Variants in NRXN3 observed in about 807,000 individuals in gnomAD.
The protein encoded by NRXN3 is neurexin III.
Under a neutral mutation model 137.6 loss-of-function variants are expected in NRXN3, and 32 were observed. The observed-to-expected ratio is 0.23, with a 90% CI of 0.18 to 0.31. The LOEUF (loss-of-function observed/expected upper bound fraction) is 0.31, where lower values mean the gene tolerates loss of function less well. Ranked by LOEUF, NRXN3 falls within the 10% of genes least tolerant of loss-of-function variation. The pLI is 1.00. For synonymous variants in NRXN3, 798 were observed against 784.5 expected, an observed-to-expected ratio of 1.02 and a Z score of -0.29; for missense variants, 1,574 against 2,062.5, an observed-to-expected ratio of 0.76 and a Z score of 4.59.
chr14:78,972,996 G>A (rs1397258778), intron 14 of NRXN3: 1 of 152,148 alleles, frequency 6.6e-6, no homozygotes, highest in African/African-American at 2.4e-5. Flanking sequence ...AGATCTTCAA[G>A]CTGTCACACC....
intron 4 of NRXN3, among the ~76,000 whole-genome samples, chr14:78,335,182 A>G (rs572443170): frequency 6.6e-6 from 1 of 152,224 alleles, no homozygotes; most frequent in African/African-American, 2.4e-5. Flanking sequence ...TGAAGTCTGC[A>G]CTTGAGATGA....
chr14:79,073,823 T>A (rs117208874), intron 15 of NRXN3, among the ~76,000 whole-genome samples: 3,644 of 152,258 alleles, frequency 0.024, 89 homozygotes, highest in Admixed American at 0.052. Context: ...CAAGAAAACA[T>A]TTTCTCAAGC....
At chr14:79,230,039 C>A (rs1447593522) in intron 15 of NRXN3, among the ~76,000 whole-genome samples, 1 of 152,020 alleles carries the variant, frequency 6.6e-6, no homozygotes, top group East Asian at 1.9e-4. Context: ...CAGAGGTGAG[C>A]CATAATGAGG....
chr14:79,864,543 T>G lies in NRXN3; in HGVS notation c.*2579T>G. The G allele has an allele frequency of 6.6e-6, 1 of 152,634 alleles. No homozygotes were observed. The highest frequency in any genetic ancestry group is 2.1e-4 in the South Asian group (1 of 4,826). 9.5% of individuals were successfully genotyped at this position (152,634 alleles called of 1,614,324 possible). On this transcript the variant is annotated 3_prime_UTR_variant, in exon 21 of 21. Coordinates refer to ENST00000335750, the MANE Select transcript of NRXN3 (RefSeq NM_001330195.2). The stretch of plus-strand genomic sequence containing the variant: ...ACCACTTTCATGTGATAGAAGATAT[T>G]CTAAGCAGTTACTAATTATTACATT...
intron 1 of NRXN3, among the ~76,000 whole-genome samples, chr14:78,221,401 G>A (rs952888970): frequency 6.6e-6 from 1 of 152,180 alleles, no homozygotes; most frequent in East Asian, 1.9e-4. Context: ...GGTTACTGGA[G>A]CGGAGGCACA....
chr14:79,024,688 A>G (rs2099595281), intron 15 of NRXN3, among the ~76,000 whole-genome samples: 1 of 152,176 alleles, frequency 6.6e-6, no homozygotes, highest in Admixed American at 6.6e-5. Flanking sequence ...TTGGTAAAAC[A>G]TTGTAATCTG....
chr14:79,357,279 T>A (rs1202764253), intron 15 of NRXN3, among the ~76,000 whole-genome samples: 2 of 152,200 alleles, frequency 1.3e-5, no homozygotes, highest in Non-Finnish European at 2.9e-5. Flanking sequence ...AAGTAGTGAA[T>A]TAAAATATGA....
At chr14:79,423,675 C>A (rs749898056) in intron 15 of NRXN3, among the ~76,000 whole-genome samples, 1 of 152,164 alleles carries the variant, frequency 6.6e-6, no homozygotes, top group South Asian at 2.1e-4. Flanking sequence ...TTGCTCTCAT[C>A]GCCTCACAAT....
intron 10 of NRXN3, among the ~76,000 whole-genome samples, chr14:78,943,617 AAAAAATATATATATATATATATATATAT>A (rs1385908562): frequency 3.2e-4 from 13 of 40,530 alleles, no homozygotes; most frequent in East Asian, 1.7e-3. Context: ...TGTTAAAAAA[AAAAAATATATATATATATATATATATAT>A]ATATATATAT....
chr14:79,189,538 TTA>T (rs143240163), intron 15 of NRXN3, among the ~76,000 whole-genome samples: 5,392 of 151,468 alleles, frequency 0.036, 227 homozygotes, highest in East Asian at 0.21. Flanking sequence ...GAAGTATAAT[TTA>T]AAAAAAAAAA....
intron 11 of NRXN3, among the ~76,000 whole-genome samples, chr14:78,958,337 G>A (rs1278221880): frequency 6.6e-6 from 1 of 151,436 alleles, no homozygotes; most frequent in Admixed American, 6.6e-5. Context: ...CATTTTACAT[G>A]CTATATCTTT....
At chr14:78,225,985 G>GTA (rs2064579862) in intron 1 of NRXN3, among the ~76,000 whole-genome samples, 1 of 114,966 alleles carries the variant, frequency 8.7e-6, no homozygotes, top group South Asian at 2.4e-4. Context: ...GTGTGTGTGT[G>GTA]TGTGTGTGTG....
At position 79,710,539 on chromosome 14, in the gene NRXN3, C is replaced by CTGAT. The variant is rs147674537; in HGVS notation, c.4014+12603_4014+12606dup. Among the ~76,000 whole-genome samples, 526 of 152,218 alleles carry CTGAT rather than the reference C, an allele frequency of 3.5e-3. 6 individuals carry two copies. The highest frequency in any genetic ancestry group is 0.012 in the African/African-American group (511 of 41,550). On this transcript the variant is annotated intron_variant, in intron 19 of 20. Coordinates refer to ENST00000335750, the MANE Select transcript of NRXN3 (RefSeq NM_001330195.2). ...AGAGTGCTATTGTAACACGTGTCTA[C>CTGAT]TGATAAAATGGCAAATTCATTAGCC...
intron 4 of NRXN3, among the ~76,000 whole-genome samples, chr14:78,432,013 C>G (rs2110418): frequency 0.026 from 4,012 of 152,116 alleles, 173 homozygotes; most frequent in African/African-American, 0.085. Flanking sequence ...GTACTGGTGC[C>G]ATTATGGGGG....
At chr14:78,979,493 T>C (rs1054599110) in intron 14 of NRXN3, among the ~76,000 whole-genome samples, 14 of 152,148 alleles carry the variant, frequency 9.2e-5, no homozygotes, top group African/African-American at 3.4e-4. Flanking sequence ...ACTTTTTTCC[T>C]TCCACCCAAC....
intron 10 of NRXN3, among the ~76,000 whole-genome samples, chr14:78,829,888 C>T (rs2152394380): frequency 6.6e-6 from 1 of 152,174 alleles, no homozygotes; most frequent in East Asian, 1.9e-4. Flanking sequence ...ATTAGAGTGT[C>T]TTGCCTTAAA....
At chr14:78,594,272 C>G (rs1276379205) in intron 4 of NRXN3, among the ~76,000 whole-genome samples, 1 of 152,152 alleles carries the variant, frequency 6.6e-6, no homozygotes, top group Admixed American at 6.5e-5. Flanking sequence ...GGACAAGGCG[C>G]CGAGGGGTGC....
rs201883488 is a variant in NRXN3, at chr14:79,353,191, A to AT, written c.3263-114021dup. On this transcript the variant is annotated intron_variant, in intron 15 of 20. Transcript: ENST00000335750. ...ACTTTCTGAAAATTCATTCAATATA[A>AT]TTTTTTTTTCTTGGAAGAACATTCC... Among the ~76,000 whole-genome samples the AT allele has an allele frequency of 9.8e-3, 1,480 of 151,586 alleles. 26 individuals are homozygous for AT. The highest frequency in any genetic ancestry group is 0.034 in the African/African-American group (1,393 of 41,392).
chr14:79,096,389 C>A (rs914427784), intron 15 of NRXN3, among the ~76,000 whole-genome samples: 5 of 152,082 alleles, frequency 3.3e-5, no homozygotes, highest in African/African-American at 1.2e-4. Flanking sequence ...GGATTACAGG[C>A]ATGAGCCACC....
Sources: gnomAD v4.1 joint callset for allele counts (sites outside exome capture counted in the v4.1 genomes callset) on GRCh38, gnomAD v4.1.1 for gene constraint, MANE v1.5 for transcripts, NCBI Gene and HGNC (gene_info 2026-07-23, HGNC 2026-07-21) for gene names.